The following PCDH9 variants were observed in gnomAD, a reference collection of about 807,000 sequenced individuals.
The protein encoded by PCDH9 is protocadherin-9.
PCDH9 carries 24 observed loss-of-function variants against 70.6 expected under a neutral mutation model. The observed-to-expected ratio is 0.34, with a 90% CI of 0.25 to 0.48. PCDH9 has a LOEUF of 0.48. Among genes scored for constraint, PCDH9 ranks in the 20% least tolerant of loss-of-function variants. The pLI is 0.99. For missense variants in PCDH9, 1,281 were observed against 1,503.6 expected (o/e 0.85, Z 2.45); for synonymous variants, 562 against 558.5 (o/e 1.01, Z -0.09).
At chr13:67,022,272 A>G (rs1272599352) in intron 2 of PCDH9, among the ~76,000 whole-genome samples, 1 of 151,048 alleles carries the variant, frequency 6.6e-6, no homozygotes, top group African/African-American at 2.4e-5. Context: ...ACAGGTATGC[A>G]CCACCACGCC....
chr13:66,762,096 G>A (rs2079638122), intron 3 of PCDH9, among the ~76,000 whole-genome samples: 1 of 152,058 alleles, frequency 6.6e-6, no homozygotes, highest in South Asian at 2.1e-4. Context: ...TATGACTCCT[G>A]TAGACTTTTC....
At chr13:67,176,132 G>A (rs2088446527) in intron 2 of PCDH9, among the ~76,000 whole-genome samples, 1 of 152,048 alleles carries the variant, frequency 6.6e-6, no homozygotes, top group Non-Finnish European at 1.5e-5. Context: ...TGTCCAACTG[G>A]GAAAACTAGT....
chr13:66,640,530 G>GAC (rs10579281), intron 3 of PCDH9, among the ~76,000 whole-genome samples: 1,852 of 149,360 alleles, frequency 0.012, 38 homozygotes, highest in African/African-American at 0.039. Flanking sequence ...CCCATGCAAA[G>GAC]ACACACACAC....
chr13:66,791,327 T>A (rs1030083477), intron 3 of PCDH9, among the ~76,000 whole-genome samples: 3 of 152,116 alleles, frequency 2.0e-5, no homozygotes, highest in African/African-American at 7.2e-5. Flanking sequence ...AGCAGTGTTT[T>A]TTTCCTCTAA....
At chr13:66,449,186 C>G (rs536573664) in intron 4 of PCDH9, among the ~76,000 whole-genome samples, 1 of 151,986 alleles carries the variant, frequency 6.6e-6, no homozygotes, top group East Asian at 1.9e-4. Context: ...TATTAAATAC[C>G]CAATTAGCCA....
intron 2 of PCDH9, among the ~76,000 whole-genome samples, chr13:67,047,681 G>A (rs955608003): frequency 6.6e-6 from 1 of 152,152 alleles, no homozygotes; most frequent in Non-Finnish European, 1.5e-5. Flanking sequence ...TAGTTAAAAT[G>A]TACTCTATCA....
At chr13:66,620,560 A>G (rs1273996227) in intron 4 of PCDH9, among the ~76,000 whole-genome samples, 1 of 152,162 alleles carries the variant, frequency 6.6e-6, no homozygotes, top group Non-Finnish European at 1.5e-5. Context: ...CACTTTATCT[A>G]TAGAATCTTT....
At chr13:67,122,218 G>A (rs2138302947) in intron 2 of PCDH9, among the ~76,000 whole-genome samples, 1 of 152,156 alleles carries the variant, frequency 6.6e-6, no homozygotes, top group South Asian at 2.1e-4. Flanking sequence ...CCTATGCCTA[G>A]CCATGATTAA....
chr13:67,219,268 T>G (rs2089672979), intron 2 of PCDH9: 1 of 151,994 alleles, frequency 6.6e-6, no homozygotes, highest in Non-Finnish European at 1.5e-5. Flanking sequence ...AAAAGCAAAA[T>G]GTCAATCATG....
At chr13:66,847,640 C>T (rs1323438834) in intron 3 of PCDH9, among the ~76,000 whole-genome samples, 3 of 152,282 alleles carry the variant, frequency 2.0e-5, no homozygotes, top group African/African-American at 4.8e-5. Flanking sequence ...CATTTTATGA[C>T]GTCTTTTCGA....
intron 2 of PCDH9, chr13:67,216,596 A>G (rs2089607272): frequency 6.7e-6 from 1 of 149,702 alleles, no homozygotes; most frequent in South Asian, 2.1e-4. Flanking sequence ...CTGAGACCAT[A>G]AGTCAGAATA....
chr13:66,822,686 T>C (rs1316854070), intron 3 of PCDH9, among the ~76,000 whole-genome samples: 2 of 151,842 alleles, frequency 1.3e-5, no homozygotes, highest in African/African-American at 4.8e-5. Flanking sequence ...CCACTACGCC[T>C]GGCTAATTTT....
Position 66,303,996 on chromosome 13 carries a change from C to T in PCDH9, c.*659G>A, listed in dbSNP as rs1156813889. 1 of 152,008 alleles carries T rather than the reference C, an allele frequency of 6.6e-6. No individual in the cohort carries two copies. The highest frequency in any genetic ancestry group is 1.5e-5 in the Non-Finnish European group (1 of 67,884). The allele number at this position is 152,008 out of a possible 1,614,324, so 9.4% of individuals were successfully genotyped here. ...AGAAACACCTCACTGAAAGAAACAA[C>T]AAAAATAACAACAAAGAGGTAAATA... On this transcript the variant is annotated 3_prime_UTR_variant, in exon 5 of 5. Coordinates refer to ENST00000377865, the MANE Select transcript of PCDH9 (RefSeq NM_203487.3).
chr13:66,818,879 G>C (rs367888930), intron 3 of PCDH9, among the ~76,000 whole-genome samples: 1 of 151,212 alleles, frequency 6.6e-6, no homozygotes, highest in Non-Finnish European at 1.5e-5. Context: ...GCTTGCAGTG[G>C]GCCGAGATCG....
chr13:66,976,192 C>T (rs1303741306), intron 2 of PCDH9, among the ~76,000 whole-genome samples: 1 of 152,038 alleles, frequency 6.6e-6, no homozygotes, highest in Non-Finnish European at 1.5e-5. Context: ...ATTCTAAAAT[C>T]CCCTCATTGG....
chr13:66,400,131 A>G (rs967407544), intron 4 of PCDH9, among the ~76,000 whole-genome samples: 1 of 152,188 alleles, frequency 6.6e-6, no homozygotes, highest in African/African-American at 2.4e-5. Context: ...TGTAAGAAGT[A>G]CTTGCTGTCA....
chr13:66,818,263 G>A (rs75974308), intron 3 of PCDH9, among the ~76,000 whole-genome samples: 5,439 of 152,136 alleles, frequency 0.036, 145 homozygotes, highest in Middle Eastern at 0.1. Context: ...ATTAAAATGT[G>A]TAAAAAAATA....
intron 3 of PCDH9, among the ~76,000 whole-genome samples, chr13:66,836,402 A>G (rs1379774210): frequency 2.0e-5 from 3 of 152,152 alleles, no homozygotes; most frequent in Admixed American, 6.5e-5. Context: ...TTAAAAAATT[A>G]CATAATGTTC....
intron 3 of PCDH9, among the ~76,000 whole-genome samples, chr13:66,647,331 T>C (rs1390877528): frequency 6.6e-6 from 1 of 152,030 alleles, no homozygotes. Flanking sequence ...AAACAGGACT[T>C]TGTCTTGCAA....
Sources: allele counts gnomAD v4.1 joint callset (sites outside exome capture counted in the v4.1 genomes callset), GRCh38; gene constraint gnomAD v4.1.1; transcripts MANE v1.5; gene names NCBI Gene and HGNC (gene_info 2026-07-23, HGNC 2026-07-21).